ACKR2: variants seen among roughly 807,000 people sequenced by gnomAD.
The protein encoded by ACKR2 is atypical chemokine receptor 2.
For synonymous variants in ACKR2, 207 were observed against 192.2 expected, an observed-to-expected ratio of 1.08 and a Z score of -0.64; for missense variants, 457 against 477.3, an observed-to-expected ratio of 0.96 and a Z score of 0.40.
At position 42,864,742 on chromosome 3, in the gene ACKR2, G is replaced by T; in HGVS notation, c.240G>T (p.Met80Ile). 6.2e-7 allele frequency: 1 copy of T among 1,614,184 alleles called. No individual in the cohort carries two copies. The highest frequency in any genetic ancestry group is 8.5e-7 in the Non-Finnish European group (1 of 1,180,048). ...VLLRYVPRRRMVEIYLLNLAI... is the reference protein window; with the variant it reads ...VLLRYVPRRRIVEIYLLNLAI... ...TCCGTTACGTGCCTCGCAGGCGGAT[G>T]GTTGAGATCTATCTGCTGAATCTGG... The change falls in exon 3 of 3, where the codon ATG becomes ATT. Residue 80 changes from methionine (M) to isoleucine (I), a missense_variant. By Grantham distance (10) the Met-to-Ile change is conservative (BLOSUM62 1). Transcript: ENST00000422265.
chr3:42,863,463 G>A (rs983086243), intron 2 of ACKR2, among the ~76,000 whole-genome samples: 4 of 152,144 alleles, frequency 2.6e-5, no homozygotes, highest in Non-Finnish European at 4.4e-5. Context: ...GATTCCTCAA[G>A]GATCTAGAAC....
At chr3:42,811,200 A>G (rs560141711) in intron 1 of ACKR2, among the ~76,000 whole-genome samples, 1 of 152,356 alleles carries the variant, frequency 6.6e-6, no homozygotes, top group East Asian at 1.9e-4. Flanking sequence ...CTGTAGGGAA[A>G]AGAAAGATCA....
rs944314555 is a variant in ACKR2, at chr3:42,864,466, C to T, written c.-37C>T. Reference sequence around the variant, plus strand: ...GTCTCACCATATTTTCCCCCCGCAGCACTACAGGACGTCGGGACTGGGCAT... The same window carrying T: ...GTCTCACCATATTTTCCCCCCGCAGTACTACAGGACGTCGGGACTGGGCAT... On this transcript the variant is annotated splice_region_variant and 5_prime_UTR_variant, in exon 3 of 3. Transcript: ENST00000422265. 1.9e-6 allele frequency: 3 copies of T among 1,549,382 alleles called. No individual in the cohort carries two copies. The African/African-American group carries it at 4.1e-5, about 21-fold the overall frequency.
chr3:42,839,341 C>T (rs770408352), intron 2 of ACKR2: 2 of 151,996 alleles, frequency 1.3e-5, no homozygotes, highest in African/African-American at 2.4e-5. Context: ...TCTGGAGCTC[C>T]GAATCAATCT....
Position 42,865,552 on chromosome 3 carries a change from C to T in ACKR2, c.1050C>T (p.Ser350=), listed in dbSNP as rs1163783623. 2 of 1,614,074 alleles carry T rather than the reference C, an allele frequency of 1.2e-6. No individual in the cohort carries two copies. Among genetic ancestry groups the T allele is most frequent in the Non-Finnish European group, 1.7e-6 (2 of 1,180,038 alleles). Residue 350 remains serine, a synonymous_variant, in exon 3 of 3, where the codon AGC becomes AGT. Transcript: ENST00000422265. ...AQASLSSCSE[S]SILTAQEEMT... is the part of the protein sequence containing the mutation. Reference sequence around the variant, plus strand: ...CCTCATTATCCAGCTGTTCTGAGAGCAGCATACTTACTGCCCAAGAGGAAA... The same window carrying T: ...CCTCATTATCCAGCTGTTCTGAGAGTAGCATACTTACTGCCCAAGAGGAAA...
At chr3:42,809,778 T>C (rs919916883) in intron 1 of ACKR2, among the ~76,000 whole-genome samples, 2 of 151,306 alleles carry the variant, frequency 1.3e-5, no homozygotes, top group African/African-American at 4.9e-5. Context: ...AGGAGAATTG[T>C]GTGAACCTGG....
chr3:42,833,251 G>A lies in ACKR2; in HGVS notation c.-38+13540G>A, dbSNP rs181880973. Among the ~76,000 whole-genome samples the A allele has an allele frequency of 4.5e-3, 689 of 152,150 alleles. 6 individuals carry two copies. The highest frequency in any genetic ancestry group is 0.016 in the African/African-American group (657 of 41,532). ...ATAGTCAACATTAAAGCCCTAAAGA[G>A]AAACAAGTGAAATTAATTTGAATGA... On this transcript the variant is annotated intron_variant, in intron 2 of 2. Transcript: ENST00000422265.
intron 2 of ACKR2, among the ~76,000 whole-genome samples, chr3:42,844,246 T>C (rs888892297): frequency 4.6e-5 from 7 of 150,928 alleles, no homozygotes; most frequent in Non-Finnish European, 1.0e-4. Context: ...GGCAGGAGAG[T>C]GGGGAGGTGA....
At chr3:42,831,119 G>A (rs558267525) in intron 2 of ACKR2, among the ~76,000 whole-genome samples, 285 of 152,256 alleles carry the variant, frequency 1.9e-3, no homozygotes, top group African/African-American at 6.3e-3. Context: ...GTGAGAAGAC[G>A]AGGCTTAAAG....
intron 2 of ACKR2, among the ~76,000 whole-genome samples, chr3:42,848,770 C>T (rs543083406): frequency 3.7e-4 from 56 of 152,106 alleles, no homozygotes; most frequent in African/African-American, 1.3e-3. Context: ...TTGTTAGATA[C>T]CACATTTTTC....
chr3:42,812,680 C>CTTTTTTTTTTTTTTTTTTTTTT (rs71616070), intron 1 of ACKR2, among the ~76,000 whole-genome samples: 1 of 72,758 alleles, frequency 1.4e-5, no homozygotes, highest in Non-Finnish European at 2.4e-5. Flanking sequence ...AATTTTCAGC[C>CTTTTTTTTTTTTTTTTTTTTTT]TTTTTTTTTT....
At chr3:42,843,291 G>A (rs1003250072) in intron 2 of ACKR2, among the ~76,000 whole-genome samples, 3 of 151,592 alleles carry the variant, frequency 2.0e-5, no homozygotes, top group Non-Finnish European at 4.4e-5. Flanking sequence ...AGCTGGTCTC[G>A]AACTCCTGAC....
In ACKR2 at chr3:42,864,602, A is replaced by T; in HGVS notation, c.100A>T (p.Met34Leu). The T allele has an allele frequency of 2.5e-6, 4 of 1,614,152 alleles. No homozygotes were observed. Among genetic ancestry groups the T allele is most frequent in the Non-Finnish European group, 3.4e-6 (4 of 1,180,034 alleles). Residue 34 changes from methionine to leucine, a missense_variant, in exon 3 of 3, where the codon ATG (methionine) becomes TTG (leucine). Met to Leu is a conservative substitution (Grantham distance 15, BLOSUM62 2). Transcript: ENST00000422265. Reference sequence around the variant, plus strand: ...TGACTACCTGGATGAAGTGGCCTTCATGCTCTGCAGGAAGGATGCAGTGGT... The same window carrying T: ...TGACTACCTGGATGAAGTGGCCTTCTTGCTCTGCAGGAAGGATGCAGTGGT... ...YYDYLDEVAF[M>L]LCRKDAVVSF... is the part of the protein sequence containing the mutation.
At chr3:42,833,555 T>C (rs955325362) in intron 2 of ACKR2, among the ~76,000 whole-genome samples, 2 of 152,188 alleles carry the variant, frequency 1.3e-5, no homozygotes, top group Admixed American at 6.5e-5. Flanking sequence ...AAATCTGACA[T>C]GTGCTTTATG....
rs1025176597 is a variant in ACKR2 at position 42,834,448 on chromosome 3, C to T, written c.-38+14737C>T. Among the ~76,000 whole-genome samples the T allele has an allele frequency of 3.9e-5, 6 of 152,118 alleles. 1 individual carries two copies. Among genetic ancestry groups the T allele is most frequent in the Admixed American group, 2.0e-4 (3 of 15,256 alleles). ...ACAGTACAGTCACACGATCATGCCT[C>T]ACTGCATCCTTGACATCCTGGGCTC... On this transcript the variant is annotated intron_variant, in intron 2 of 2. Coordinates refer to ENST00000422265, the MANE Select transcript of ACKR2 (RefSeq NM_001296.5).
At chr3:42,825,577 ATG>A (rs113371609) in intron 2 of ACKR2, among the ~76,000 whole-genome samples, 1,804 of 148,782 alleles carry the variant, frequency 0.012, 30 homozygotes, top group African/African-American at 0.042. Flanking sequence ...GTTAGCTCTG[ATG>A]TGTGTGTGTG....
chr3:42,862,462 T>TC (rs2088394226), intron 2 of ACKR2, among the ~76,000 whole-genome samples: 1 of 152,130 alleles, frequency 6.6e-6, no homozygotes, highest in African/African-American at 2.4e-5. Flanking sequence ...TTCAATGCTA[T>TC]CCCCATCAAG....
chr3:42,864,891 G>A lies in ACKR2; in HGVS notation c.389G>A (p.Ser130Asn). The change falls in exon 3 of 3, where the codon AGT becomes AAT. Residue 130 changes from serine (S) to asparagine (N), a missense_variant. Physicochemically the swap from Ser to Asn is conservative, Grantham distance 46. Coordinates refer to ENST00000422265, the MANE Select transcript of ACKR2 (RefSeq NM_001296.5). The part of the protein sequence containing the change: ...VSTLYTINFY[S>N]GIFFISCMSL... ...ACTCTTTATACTATTAACTTTTACA[G>A]TGGCATCTTTTTCATTAGCTGCATG... The A allele has an allele frequency of 6.2e-7, 1 of 1,614,140 alleles. No homozygotes were observed. Among genetic ancestry groups the A allele is most frequent in the Non-Finnish European group, 8.5e-7 (1 of 1,180,040 alleles).
chr3:42,830,275 T>C (rs931414842), intron 2 of ACKR2, among the ~76,000 whole-genome samples: 2 of 152,200 alleles, frequency 1.3e-5, no homozygotes, highest in Non-Finnish European at 2.9e-5. Context: ...GCACTTCTTA[T>C]TTATTTAATT....
Sources: gnomAD v4.1 joint callset for allele counts (sites outside exome capture counted in the v4.1 genomes callset) on GRCh38, gnomAD v4.1.1 for gene constraint, MANE v1.5 for transcripts, NCBI Gene and HGNC (gene_info 2026-07-23, HGNC 2026-07-21) for gene names.